Variants in ANKS1B observed in about 807,000 individuals in gnomAD.
The protein encoded by ANKS1B is ankyrin repeat and sterile alpha motif domain containing 1B.
Under a neutral mutation model 148.3 loss-of-function variants are expected in ANKS1B, and 36 were observed. The observed-to-expected ratio is 0.24, with a 90% CI of 0.19 to 0.32. ANKS1B has a LOEUF of 0.32. ANKS1B is among the 10% of genes least tolerant of loss of function. The probability of loss-of-function intolerance (pLI) is 1.00; values close to 1 mark genes in which losing one functional copy is unlikely to be tolerated. For synonymous variants in ANKS1B, 542 were observed against 560.8 expected (o/e 0.97, Z 0.47); for missense variants, 1,157 against 1,542.6 (o/e 0.75, Z 4.19).
chr12:99,280,087 T>C (rs561709279), intron 12 of ANKS1B, among the ~76,000 whole-genome samples: 2 of 152,190 alleles, frequency 1.3e-5, no homozygotes, highest in African/African-American at 4.8e-5. Context: ...AATTGATATT[T>C]TATCCAAATA....
intron 4 of ANKS1B, among the ~76,000 whole-genome samples, chr12:99,794,980 T>C (rs2153649208): frequency 6.6e-6 from 1 of 151,744 alleles, no homozygotes; most frequent in Non-Finnish European, 1.5e-5. Flanking sequence ...CACAAAAATT[T>C]TACATTTAAA....
intron 1 of ANKS1B, among the ~76,000 whole-genome samples, chr12:99,901,061 C>A (rs2093582008): frequency 2.0e-5 from 3 of 152,162 alleles, no homozygotes; most frequent in Admixed American, 2.0e-4. Context: ...CACACAAAAT[C>A]ACTAAATTTT....
At chr12:99,233,619 A>G (rs1292361932) in intron 14 of ANKS1B, among the ~76,000 whole-genome samples, 1 of 152,184 alleles carries the variant, frequency 6.6e-6, no homozygotes, top group Non-Finnish European at 1.5e-5. Flanking sequence ...TGTAAAACTT[A>G]TGAATTAATA....
At chr12:99,617,841 A>C (rs2097989484) in intron 9 of ANKS1B, among the ~76,000 whole-genome samples, 1 of 152,136 alleles carries the variant, frequency 6.6e-6, no homozygotes, top group Admixed American at 6.5e-5. Context: ...AAACAAATAT[A>C]CATAAACATA....
chr12:98,972,859 T>C (rs2099884583), intron 17 of ANKS1B, among the ~76,000 whole-genome samples: 1 of 152,184 alleles, frequency 6.6e-6, no homozygotes, highest in Non-Finnish European at 1.5e-5. Flanking sequence ...CTAATGAAGT[T>C]TGGGTCATTT....
intron 16 of ANKS1B, among the ~76,000 whole-genome samples, chr12:99,056,465 C>T (rs770523846): frequency 6.6e-6 from 1 of 152,202 alleles, no homozygotes; most frequent in South Asian, 2.1e-4. Context: ...ACACAATAGC[C>T]TTCTACATGG....
chr12:98,922,382 C>T (rs1289398034), intron 17 of ANKS1B, among the ~76,000 whole-genome samples: 1 of 152,184 alleles, frequency 6.6e-6, no homozygotes, highest in Non-Finnish European at 1.5e-5. Flanking sequence ...CCTTTGACAA[C>T]AAAAATTCCT....
Position 99,669,275 on chromosome 12 carries a change from ATCT to A in ANKS1B, c.1129-14068_1129-14066del, listed in dbSNP as rs1337913009. ...AGCCTTGACTTCTTGCACTCAAATGATCTTCTTGCCTCAGCCTCCTGAGTAGCT... is the reference window on the plus strand; with the variant it reads ...AGCCTTGACTTCTTGCACTCAAATGATCTTGCCTCAGCCTCCTGAGTAGCT... On this transcript the variant is annotated intron_variant, in intron 8 of 26. Transcript: ENST00000683438. 4.6e-5 allele frequency among the ~76,000 whole-genome samples: 7 copies of A among 152,280 alleles called. No individual in the cohort carries two copies. The East Asian group carries it at 1.2e-3, about 25-fold the overall frequency.
At chr12:99,491,914 T>C (rs1018665208) in intron 10 of ANKS1B, among the ~76,000 whole-genome samples, 3 of 152,088 alleles carry the variant, frequency 2.0e-5, no homozygotes, top group African/African-American at 7.2e-5. Flanking sequence ...TAAGGCAGTG[T>C]TAAGAGGGAA....
intron 1 of ANKS1B, among the ~76,000 whole-genome samples, chr12:99,981,144 C>G (rs1458656331): frequency 6.6e-6 from 1 of 152,058 alleles, no homozygotes; most frequent in Non-Finnish European, 1.5e-5. Flanking sequence ...AATATTAACA[C>G]TAACGATGAA....
intron 15 of ANKS1B, among the ~76,000 whole-genome samples, chr12:99,140,748 G>A (rs751224404): frequency 4.6e-5 from 7 of 152,108 alleles, no homozygotes; most frequent in Non-Finnish European, 8.8e-5. Flanking sequence ...TTCCTGTGGA[G>A]CATGATTGTC....
intron 9 of ANKS1B, among the ~76,000 whole-genome samples, chr12:99,534,162 G>T (rs532354021): frequency 6.6e-6 from 1 of 152,092 alleles, no homozygotes; most frequent in Non-Finnish European, 1.5e-5. Context: ...TACTGAAGAA[G>T]AATATATTGC....
At chr12:99,541,000 G>T (rs2097120494) in intron 9 of ANKS1B, among the ~76,000 whole-genome samples, 2 of 152,000 alleles carry the variant, frequency 1.3e-5, no homozygotes, top group Admixed American at 1.3e-4. Flanking sequence ...GGAATACTAT[G>T]AATAACTCCA....
intron 17 of ANKS1B, among the ~76,000 whole-genome samples, chr12:98,902,199 G>C (rs777213160): frequency 2.0e-5 from 3 of 152,212 alleles, no homozygotes; most frequent in Non-Finnish European, 4.4e-5. Context: ...TGTTAACTCT[G>C]TTCAAGGCCC....
At chr12:99,868,615 T>A (rs192140442) in intron 1 of ANKS1B, among the ~76,000 whole-genome samples, 2 of 152,074 alleles carry the variant, frequency 1.3e-5, no homozygotes, top group Non-Finnish European at 2.9e-5. Context: ...CAGGTCAAAA[T>A]AGAAAATCAA....
intron 9 of ANKS1B, among the ~76,000 whole-genome samples, chr12:99,531,072 T>G (rs765078343): frequency 1.3e-5 from 2 of 152,162 alleles, no homozygotes; most frequent in Non-Finnish European, 2.9e-5. Flanking sequence ...CTCCCTTTCC[T>G]TCATAGGCAA....
At chr12:99,472,015 T>C (rs1408680961) in intron 10 of ANKS1B, among the ~76,000 whole-genome samples, 2 of 152,236 alleles carry the variant, frequency 1.3e-5, no homozygotes, top group South Asian at 2.1e-4. Context: ...ATATGACATA[T>C]TTTAATTTTT....
chr12:99,048,943 T>G (rs2099964203), intron 17 of ANKS1B: 1 of 152,236 alleles, frequency 6.6e-6, no homozygotes, highest in African/African-American at 2.4e-5. Context: ...TGAAGGCTTG[T>G]GGGGAGCCAG....
intron 22 of ANKS1B, among the ~76,000 whole-genome samples, chr12:98,792,688 G>A (rs1164736153): frequency 2.0e-5 from 3 of 152,060 alleles, no homozygotes; most frequent in African/African-American, 4.8e-5. Flanking sequence ...CCATGTATGA[G>A]TGAAATCATG....
Sources: gnomAD v4.1 joint callset for allele counts (sites outside exome capture counted in the v4.1 genomes callset) on GRCh38, gnomAD v4.1.1 for gene constraint, MANE v1.5 for transcripts, NCBI Gene and HGNC (gene_info 2026-07-23, HGNC 2026-07-21) for gene names.